Variants in LUZP2 observed in about 807,000 individuals in gnomAD.
The protein encoded by LUZP2 is leucine zipper protein 2.
A neutral mutation model predicts 51.6 loss-of-function variants in LUZP2; 52 were observed. The ratio of observed to expected loss-of-function variants is 1.01; its 90% CI spans 0.81 to 1.27. LUZP2 has a LOEUF of 1.27. LUZP2 is among the 50% of genes most tolerant of loss of function. The pLI, the probability that LUZP2 is intolerant of heterozygous loss-of-function variation, is 0.00. For synonymous variants in LUZP2, 154 were observed against 137.3 expected (o/e 1.12, Z -0.85); for missense variants, 436 against 395.4 (o/e 1.10, Z -0.87).
Position 25,027,217 on chromosome 11 carries a change from ATAT to A in LUZP2, c.766-22814_766-22812del, listed in dbSNP as rs1307061306. 3.9e-5 allele frequency among the ~76,000 whole-genome samples: 6 copies of A among 152,290 alleles called. No homozygotes were observed. In the East Asian group the frequency reaches 9.6e-4, roughly 24 times the overall value. On this transcript the variant is annotated intron_variant, in intron 9 of 11. Coordinates refer to ENST00000336930, the MANE Select transcript of LUZP2 (RefSeq NM_001009909.4). ...TAACAAGGATTTATGTTATTTTGAA[ATAT>A]TATTATACACATTTATTAATAATGG... is the stretch of plus-strand genomic sequence containing the variant.
At chr11:24,689,321 C>T (rs1856996407) in intron 1 of LUZP2, among the ~76,000 whole-genome samples, 2 of 152,184 alleles carry the variant, frequency 1.3e-5, no homozygotes, top group African/African-American at 4.8e-5. Context: ...AGTGTATTTA[C>T]TGAAGTTGTA....
intron 1 of LUZP2, among the ~76,000 whole-genome samples, chr11:24,668,969 A>G (rs113554661): frequency 9.9e-5 from 15 of 152,154 alleles, no homozygotes; most frequent in African/African-American, 3.1e-4. Flanking sequence ...TAGAATTTCT[A>G]TATTTTTCAG....
intron 9 of LUZP2, among the ~76,000 whole-genome samples, chr11:24,987,748 A>C (rs1008466699): frequency 6.6e-6 from 1 of 151,962 alleles, no homozygotes; most frequent in South Asian, 2.1e-4. Flanking sequence ...GGAAGTTTAG[A>C]TAGATCAAGG....
At chr11:24,892,277 A>G in intron 5 of LUZP2, 2 of 985,386 alleles carry the variant, frequency 2.0e-6, no homozygotes, top group Non-Finnish European at 1.2e-6. Context: ...ACCATCTGCT[A>G]TAGGAAGGAG....
chr11:24,615,112 G>C (rs144170819), intron 1 of LUZP2, among the ~76,000 whole-genome samples: 8 of 151,270 alleles, frequency 5.3e-5, no homozygotes, highest in Middle Eastern at 3.4e-3. Flanking sequence ...TTTTAATTTT[G>C]AGGTAATTGT....
intron 1 of LUZP2, among the ~76,000 whole-genome samples, chr11:24,585,125 C>A (rs931504084): frequency 5.9e-5 from 9 of 152,092 alleles, no homozygotes; most frequent in Admixed American, 6.5e-5. Context: ...CTCTGGGTAT[C>A]CTTAATGCCA....
intron 9 of LUZP2, among the ~76,000 whole-genome samples, chr11:24,998,303 T>C (rs992726945): frequency 5.3e-5 from 8 of 152,170 alleles, no homozygotes; most frequent in Admixed American, 1.3e-4. Context: ...CATTGAGCAG[T>C]GGTTTGTAGT....
At chr11:24,579,204 C>A (rs1170409940) in intron 1 of LUZP2, among the ~76,000 whole-genome samples, 1 of 151,982 alleles carries the variant, frequency 6.6e-6, no homozygotes, top group Non-Finnish European at 1.5e-5. Flanking sequence ...ATTTTAATTT[C>A]TTACTTGATT....
intron 5 of LUZP2, among the ~76,000 whole-genome samples, chr11:24,877,565 C>T (rs1852312903): frequency 6.6e-6 from 1 of 152,104 alleles, no homozygotes; most frequent in South Asian, 2.1e-4. Context: ...TATCCACCTC[C>T]TCAAACATTT....
At chr11:24,801,610 C>G (rs917152144) in intron 5 of LUZP2, among the ~76,000 whole-genome samples, 4 of 151,546 alleles carry the variant, frequency 2.6e-5, no homozygotes, top group African/African-American at 9.7e-5. Context: ...TATTGCTTCA[C>G]TAAGGAGATT....
chr11:24,568,355 G>GA (rs35908367), intron 1 of LUZP2, among the ~76,000 whole-genome samples: 38,258 of 125,154 alleles, frequency 0.31, 6,646 homozygotes, highest in East Asian at 0.59. Context: ...ATCTGTCTCA[G>GA]AAAAAAAAAA....
At chr11:24,519,219 A>G (rs375288336) in intron 1 of LUZP2, among the ~76,000 whole-genome samples, 34 of 151,952 alleles carry the variant, frequency 2.2e-4, no homozygotes, top group Non-Finnish European at 4.7e-4. Context: ...TACAAATCTT[A>G]TTTTCTACTT....
intron 1 of LUZP2, among the ~76,000 whole-genome samples, chr11:24,600,975 AC>A (rs1372964731): frequency 6.6e-6 from 1 of 152,166 alleles, no homozygotes; most frequent in Non-Finnish European, 1.5e-5. Flanking sequence ...AATTAAGAGT[AC>A]TAATCAGTTC....
intron 5 of LUZP2, among the ~76,000 whole-genome samples, chr11:24,776,932 G>A (rs1848942791): frequency 6.6e-6 from 1 of 151,282 alleles, no homozygotes; most frequent in East Asian, 1.9e-4. Context: ...AACTGATGGT[G>A]CCTATACAGC....
At chr11:24,842,873 TAAGG>T (rs1311891058) in intron 5 of LUZP2, among the ~76,000 whole-genome samples, 4 of 151,688 alleles carry the variant, frequency 2.6e-5, no homozygotes, top group Non-Finnish European at 5.9e-5. Flanking sequence ...ATTCAAAAGT[TAAGG>T]AAGAAAAGCA....
At chr11:24,883,486 C>A (rs1019097346) in intron 5 of LUZP2, among the ~76,000 whole-genome samples, 13 of 151,970 alleles carry the variant, frequency 8.6e-5, no homozygotes, top group African/African-American at 2.9e-4. Context: ...AAATAACCCC[C>A]AAGTATTAAA....
chr11:24,911,715 A>G (rs1455753281), intron 6 of LUZP2, among the ~76,000 whole-genome samples: 1 of 152,158 alleles, frequency 6.6e-6, no homozygotes, highest in Non-Finnish European at 1.5e-5. Flanking sequence ...TAATACAGAG[A>G]GTAAATTAAC....
At chr11:25,021,517 CA>C (rs1857332424) in intron 9 of LUZP2, among the ~76,000 whole-genome samples, 1 of 151,552 alleles carries the variant, frequency 6.6e-6, no homozygotes, top group Non-Finnish European at 1.5e-5. Flanking sequence ...GAAACATAGA[CA>C]AAGACATAGG....
At chr11:24,674,526 T>G (rs1327035063) in intron 1 of LUZP2, among the ~76,000 whole-genome samples, 1 of 152,304 alleles carries the variant, frequency 6.6e-6, no homozygotes, top group African/African-American at 2.4e-5. Context: ...GAAGTCATGG[T>G]GATTGCTATG....
Sources: allele counts gnomAD v4.1 joint callset (sites outside exome capture counted in the v4.1 genomes callset), GRCh38; gene constraint gnomAD v4.1.1; transcripts MANE v1.5; gene names NCBI Gene and HGNC (gene_info 2026-07-23, HGNC 2026-07-21).